CERS3: variants seen among roughly 807,000 people sequenced by gnomAD.
The protein encoded by CERS3 is ceramide synthase 3.
A neutral mutation model predicts 50.3 loss-of-function variants in CERS3; 33 were observed. The ratio of observed to expected loss-of-function variants is 0.66; its 90% CI spans 0.50 to 0.88. CERS3 has a LOEUF of 0.88. Ranked by LOEUF, CERS3 falls within the 40% of genes least tolerant of loss-of-function variation. CERS3 has a pLI of 0.00. For missense variants in CERS3, 470 were observed against 460.3 expected (o/e 1.02, Z -0.19); for synonymous variants, 176 against 155.2 (o/e 1.13, Z -0.99).
intron 11 of CERS3, among the ~76,000 whole-genome samples, chr15:100,433,327 T>A (rs1461009142): frequency 6.6e-6 from 1 of 151,954 alleles, no homozygotes; most frequent in Non-Finnish European, 1.5e-5. Flanking sequence ...GTAGCCTGAT[T>A]ACAAATTCCC....
rs1454849262 is a variant in CERS3 at position 100,418,102 on chromosome 15, A to G, written c.1000-15237T>C. ...TGGAGAATGACTTTGACGAGCTGAGAGAAGAAGGCTTCAGACGATCAAATT... is the reference window on the plus strand; with the variant it reads ...TGGAGAATGACTTTGACGAGCTGAGGGAAGAAGGCTTCAGACGATCAAATT... On this transcript the variant is annotated intron_variant, in intron 11 of 11. Coordinates refer to ENST00000679737, the MANE Select transcript of CERS3 (RefSeq NM_001378789.1). Among the ~76,000 whole-genome samples, 300 of 150,266 alleles carry G rather than the reference A, an allele frequency of 2.0e-3. 1 individual carries two copies. The highest frequency in any genetic ancestry group is 7.2e-3 in the African/African-American group (285 of 39,722).
chr15:100,430,510 G>A (rs1264579598), intron 11 of CERS3, among the ~76,000 whole-genome samples: 1 of 152,146 alleles, frequency 6.6e-6, no homozygotes, highest in Non-Finnish European at 1.5e-5. Flanking sequence ...CTGTGTTTTT[G>A]AAGTGCTGTA....
At chr15:100,447,091 G>A (rs939418638) in intron 11 of CERS3, among the ~76,000 whole-genome samples, 5 of 152,126 alleles carry the variant, frequency 3.3e-5, no homozygotes, top group South Asian at 4.1e-4. Flanking sequence ...TACATTTTGC[G>A]GAGAATCACC....
intron 2 of CERS3, among the ~76,000 whole-genome samples, chr15:100,503,513 G>A (rs536239244): frequency 6.6e-6 from 1 of 152,336 alleles, no homozygotes; most frequent in East Asian, 1.9e-4. Flanking sequence ...GTATTATGAA[G>A]AGGAATGAGA....
chr15:100,413,402 G>A (rs950752267), intron 11 of CERS3, among the ~76,000 whole-genome samples: 1 of 151,986 alleles, frequency 6.6e-6, no homozygotes, highest in Non-Finnish European at 1.5e-5. Flanking sequence ...GATACACAAA[G>A]AGCTCAAATA....
chr15:100,413,077 G>A (rs973389072), intron 11 of CERS3, among the ~76,000 whole-genome samples: 2 of 152,098 alleles, frequency 1.3e-5, no homozygotes, highest in African/African-American at 2.4e-5. Context: ...ACTGTGTGGT[G>A]ATCAACAAAT....
chr15:100,529,240 A>G (rs1357796310), upstream of CERS3: 2 of 152,176 alleles, frequency 1.3e-5, no homozygotes, highest in Non-Finnish European at 2.9e-5. Context: ...GAGAACCCCA[A>G]AACACCAGTC....
intron 10 of CERS3, among the ~76,000 whole-genome samples, chr15:100,467,030 A>G (rs2034766801): frequency 6.6e-6 from 1 of 151,152 alleles, no homozygotes; most frequent in African/African-American, 2.4e-5. Context: ...ATTTTTTTGT[A>G]TTTTTAGTAG....
chr15:100,467,843 A>ACTTG (rs1249465124), intron 10 of CERS3, among the ~76,000 whole-genome samples: 1 of 122,696 alleles, frequency 8.2e-6, no homozygotes, highest in Non-Finnish European at 1.6e-5. Context: ...ACGTGTATAT[A>ACTTG]TATATATATA....
At chr15:100,413,820 A>G (rs978491559) in intron 11 of CERS3, among the ~76,000 whole-genome samples, 1 of 151,938 alleles carries the variant, frequency 6.6e-6, no homozygotes, top group Non-Finnish European at 1.5e-5. Context: ...CTCTATGCAC[A>G]TGAACTAGAA....
intron 2 of CERS3, among the ~76,000 whole-genome samples, chr15:100,517,749 T>G (rs939562596): frequency 1.3e-5 from 2 of 152,120 alleles, no homozygotes; most frequent in African/African-American, 4.8e-5. Context: ...AAAGCACCCC[T>G]TGGAAAAGAA....
rs115007059 is a variant in CERS3 at position 100,416,740 on chromosome 15, C to T, written c.1000-13875G>A. 5.2e-3 allele frequency among the ~76,000 whole-genome samples: 794 copies of T among 152,262 alleles called. 6 individuals carry two copies. Among genetic ancestry groups the T allele is most frequent in the African/African-American group, 0.018 (760 of 41,528 alleles). On this transcript the variant is annotated intron_variant, in intron 11 of 11. Coordinates refer to ENST00000679737, the MANE Select transcript of CERS3 (RefSeq NM_001378789.1). ...ACTGCTCCCATGGTCCAATCACTTC[C>T]CAACTGGTCCCTCCCTCAACATGTG...
chr15:100,478,790 AGC>A (rs1262407994), intron 7 of CERS3, among the ~76,000 whole-genome samples: 1 of 152,202 alleles, frequency 6.6e-6, no homozygotes, highest in Non-Finnish European at 1.5e-5. Context: ...TAAAAAAAAT[AGC>A]AAAGGTACTT....
At chr15:100,441,712 T>C (rs1039896388) in intron 11 of CERS3, among the ~76,000 whole-genome samples, 13 of 152,158 alleles carry the variant, frequency 8.5e-5, no homozygotes, top group African/African-American at 2.7e-4. Flanking sequence ...TTTCAATTTT[T>C]CCATCCTACA....
intron 1 of CERS3, among the ~76,000 whole-genome samples, chr15:100,542,180 T>C (rs968988058): frequency 2.0e-5 from 3 of 152,228 alleles, no homozygotes; most frequent in South Asian, 2.1e-4. Context: ...ATTATCTGAC[T>C]TGTTAATAAT....
chr15:100,427,104 C>T (rs1317596097), intron 11 of CERS3, among the ~76,000 whole-genome samples: 2 of 152,136 alleles, frequency 1.3e-5, no homozygotes, highest in South Asian at 2.1e-4. Context: ...AGTAGTCAGC[C>T]GAGGGGTGTG....
At chr15:100,457,468 T>C (rs1423043235) in intron 10 of CERS3, among the ~76,000 whole-genome samples, 1 of 152,244 alleles carries the variant, frequency 6.6e-6, no homozygotes, top group East Asian at 1.9e-4. Context: ...CACAGCATAA[T>C]GCTTTTAAGA....
At chr15:100,443,841 C>T (rs1191967827) in intron 11 of CERS3, among the ~76,000 whole-genome samples, 1 of 152,178 alleles carries the variant, frequency 6.6e-6, no homozygotes, top group Non-Finnish European at 1.5e-5. Context: ...CGGTTAGATA[C>T]TTTCACCTTT....
intron 2 of CERS3, chr15:100,503,647 G>C (rs2036077176): frequency 2.1e-6 from 1 of 469,348 alleles, no homozygotes; most frequent in Middle Eastern, 3.3e-4. Context: ...AGCCCAAAAT[G>C]ATCAGTGGAA....
Sources: allele counts gnomAD v4.1 joint callset (sites outside exome capture counted in the v4.1 genomes callset), GRCh38; gene constraint gnomAD v4.1.1; transcripts MANE v1.5; gene names NCBI Gene and HGNC (gene_info 2026-07-23, HGNC 2026-07-21).